ZIM2: variants seen among roughly 807,000 people sequenced by gnomAD.
ZIM2 encodes zinc finger protein 656.
ZIM2 carries 14 observed loss-of-function variants against 38.6 expected under a neutral mutation model. The ratio of observed to expected loss-of-function variants is 0.36; its 90% CI spans 0.24 to 0.57. The LOEUF is 0.57. Ranked by LOEUF, ZIM2 falls within the 20% of genes least tolerant of loss-of-function variation. The pLI, the probability that ZIM2 is intolerant of heterozygous loss-of-function variation, is 0.81. For missense variants in ZIM2, 680 were observed against 695.1 expected, an observed-to-expected ratio of 0.98 and a Z score of 0.24; for synonymous variants, 247 against 245.8, an observed-to-expected ratio of 1.00 and a Z score of -0.04.
Position 56,815,275 on chromosome 19 carries a change from T to C in ZIM2, c.490+2471A>G, listed in dbSNP as rs763322086. ...TTGAGACTCCTCGCCATGAGACTTCTCTTGGTCATAGATTTTCTGGTTTGT... is the reference window on the plus strand; with the variant it reads ...TTGAGACTCCTCGCCATGAGACTTCCCTTGGTCATAGATTTTCTGGTTTGT... On this transcript the variant is annotated intron_variant, in intron 9 of 12. Transcript: ENST00000629319. 9 of 1,614,128 alleles carry C rather than the reference T, an allele frequency of 5.6e-6. No homozygotes were observed. The East Asian group carries it at 2.0e-4, about 36-fold the overall frequency.
chr19:56,802,115 G>A (rs2047554944), intron 9 of ZIM2, among the ~76,000 whole-genome samples: 1 of 152,200 alleles, frequency 6.6e-6, no homozygotes, highest in Non-Finnish European at 1.5e-5. Flanking sequence ...GGTTCCACCA[G>A]GTGCCTCACA....
chr19:56,779,493 G>C (rs749439158), intron 11 of ZIM2, 21 bp from the exon 12 acceptor site: 2 of 1,611,664 alleles, frequency 1.2e-6, no homozygotes, highest in East Asian at 2.2e-5. Context: ...GGAAGACTGA[G>C]AACTCAGGGT....
intron 9 of ZIM2, chr19:56,799,712 T>A (rs1486140207): frequency 6.6e-6 from 1 of 152,134 alleles, no homozygotes; most frequent in South Asian, 2.1e-4. Flanking sequence ...TGGCCACACA[T>A]GCAAAAGAAA....
chr19:56,818,527 G>A, intron 8 of ZIM2, 73 bp downstream of exon 8: 1 of 1,527,496 alleles, frequency 6.5e-7, no homozygotes, highest in Non-Finnish European at 9.1e-7. Flanking sequence ...CTAACATCCA[G>A]CTTAAAAAGG....
At chr19:56,822,979 C>G in intron 5 of ZIM2, 143 bp from the exon 6 acceptor site, 1 of 1,117,580 alleles carries the variant, frequency 8.9e-7, no homozygotes, top group Non-Finnish European at 1.3e-6. Context: ...TCCAGGTTCC[C>G]AGGCTCATCT....
intron 9 of ZIM2, among the ~76,000 whole-genome samples, chr19:56,796,463 A>C (rs942634342): frequency 2.6e-5 from 4 of 152,162 alleles, no homozygotes; most frequent in Admixed American, 2.0e-4. Context: ...AGAGTGACAG[A>C]ACAGTGGCAT....
chr19:56,817,677 A>G, intron 9 of ZIM2, 69 bp downstream of exon 9: 1 of 1,544,328 alleles, frequency 6.5e-7, no homozygotes, highest in African/African-American at 1.4e-5. Context: ...AGGAATGCAA[A>G]GTGTAGAAGT....
chr19:56,835,611 C>T (rs749340737), intron 2 of ZIM2, among the ~76,000 whole-genome samples: 1 of 152,232 alleles, frequency 6.6e-6, no homozygotes, highest in Non-Finnish European at 1.5e-5. Flanking sequence ...ATGTTTTCCA[C>T]AGCTTTAATT....
chr19:56,791,306 A>G (rs747670720), intron 9 of ZIM2: 6 of 152,232 alleles, frequency 3.9e-5, no homozygotes, highest in Non-Finnish European at 8.8e-5. Context: ...TACGAAATGA[A>G]GGTAATACCT....
At position 56,782,068 on chromosome 19, in the gene ZIM2, G is replaced by A. The variant is rs529440942; in HGVS notation, c.624C>T (p.Thr208=). 6 of 1,613,880 alleles carry A rather than the reference G, an allele frequency of 3.7e-6. No individual in the cohort carries two copies. Among genetic ancestry groups the A allele is most frequent in the Non-Finnish European group, 4.2e-6 (5 of 1,179,924 alleles). Residue 208 remains threonine (T), a synonymous_variant, in exon 11 of 13, where the codon ACC becomes ACT. Transcript: ENST00000629319. ...GTFLVFEELV[T]FEDVLVDFSP... is the part of the protein sequence containing the mutation. ...TGAAGTCCACAAGCACATCCTCGAA[G>A]GTCACCAACTCCTCAAACACCAGAA...
chr19:56,818,831 G>T, intron 7 of ZIM2, 129 bp from the exon 8 acceptor site: 2 of 1,058,832 alleles, frequency 1.9e-6, no homozygotes, highest in Non-Finnish European at 2.8e-6. Flanking sequence ...TTGGGGTTCT[G>T]AGTGATCCAA....
At chr19:56,784,260 T>C (rs143866592) in intron 10 of ZIM2, among the ~76,000 whole-genome samples, 286 of 152,360 alleles carry the variant, frequency 1.9e-3, no homozygotes, top group Non-Finnish European at 3.7e-3. Flanking sequence ...ATATTTAGCA[T>C]AGAGAGCAAT....
At chr19:56,813,077 A>T (rs1251605139) in intron 9 of ZIM2, 1 of 985,334 alleles carries the variant, frequency 1.0e-6, no homozygotes, top group Non-Finnish European at 1.2e-6. Flanking sequence ...AAGACTATTT[A>T]AGGGTAAGAA....
At chr19:56,804,380 A>G (rs1047703121) in intron 9 of ZIM2, among the ~76,000 whole-genome samples, 1 of 152,238 alleles carries the variant, frequency 6.6e-6, no homozygotes, top group African/African-American at 2.4e-5. Context: ...CAACTGAGGG[A>G]CCAGCATTCA....
rs762141634 is a variant in ZIM2 at position 56,817,540 on chromosome 19, C to T, written c.490+206G>A. 3.8e-5 allele frequency: 60 copies of T among 1,597,728 alleles called. No homozygotes were observed. The highest frequency in any genetic ancestry group is 4.5e-5 in the Non-Finnish European group (53 of 1,171,364). ...AGATTCATCTTCACAAATCCCCCGCCGGTGGGTTGATTTTTTGGCTTCAGG... is the reference window on the plus strand; with the variant it reads ...AGATTCATCTTCACAAATCCCCCGCTGGTGGGTTGATTTTTTGGCTTCAGG... On this transcript the variant is annotated intron_variant, in intron 9 of 12. Coordinates refer to ENST00000629319, the MANE Select transcript of ZIM2 (RefSeq NM_001387356.1).
At chr19:56,826,856 T>C (rs1237484822) in intron 2 of ZIM2, among the ~76,000 whole-genome samples, 2 of 152,170 alleles carry the variant, frequency 1.3e-5, no homozygotes, top group Non-Finnish European at 2.9e-5. Flanking sequence ...CATTCCCTTA[T>C]GTAAGATCTA....
intron 9 of ZIM2, 21 bp downstream of exon 9, chr19:56,817,725 T>C (rs1327519359): frequency 6.2e-7 from 1 of 1,605,146 alleles, no homozygotes; most frequent in Non-Finnish European, 8.5e-7. Flanking sequence ...GGCTCCTCTG[T>C]GGGATGTGCC....
chr19:56,821,812 G>C, intron 6 of ZIM2, 58 bp from the exon 7 acceptor site: 1 of 1,592,442 alleles, frequency 6.3e-7, no homozygotes, highest in South Asian at 1.1e-5. Flanking sequence ...GCAGGTCCCA[G>C]GTTTGTCCCA....
At chr19:56,812,847 G>C (rs907558385) in intron 9 of ZIM2, 4 of 979,450 alleles carry the variant, frequency 4.1e-6, no homozygotes. Context: ...GAACACAAAT[G>C]TGTAATATTT....
Sources: gnomAD v4.1 joint callset for allele counts (sites outside exome capture counted in the v4.1 genomes callset) on GRCh38, gnomAD v4.1.1 for gene constraint, MANE v1.5 for transcripts, NCBI Gene and HGNC (gene_info 2026-07-23, HGNC 2026-07-21) for gene names.